Variants in PIP5K1A observed in about 807,000 individuals in gnomAD.
PIP5K1A encodes phosphatidylinositol 4-phosphate 5-kinase type-1 alpha.
In PIP5K1A, 46 loss-of-function variants were observed where a neutral mutation model predicts 72.9. That is an observed-to-expected ratio of 0.63 (90% confidence interval 0.50 to 0.81). PIP5K1A has a LOEUF of 0.81. PIP5K1A is among the 30% of genes least tolerant of loss of function. The pLI, the probability that PIP5K1A is intolerant of heterozygous loss-of-function variation, is 0.00. For missense variants in PIP5K1A, 458 were observed against 706.1 expected, an observed-to-expected ratio of 0.65 and a Z score of 3.98; for synonymous variants, 228 against 255.1, an observed-to-expected ratio of 0.89 and a Z score of 1.01.
intron 8 of PIP5K1A, among the ~76,000 whole-genome samples, chr1:151,235,576 G>A (rs978060665): frequency 1.3e-5 from 2 of 152,212 alleles, no homozygotes; most frequent in South Asian, 4.1e-4. Flanking sequence ...TGGAGATTCA[G>A]TAAATGTTTA....
intron 4 of PIP5K1A, among the ~76,000 whole-genome samples, chr1:151,230,852 T>C (rs115669841): frequency 3.3e-5 from 5 of 152,254 alleles, no homozygotes; most frequent in African/African-American, 1.2e-4. Flanking sequence ...CCCACCCTGT[T>C]GGCCTTGAGA....
intron 1 of PIP5K1A, among the ~76,000 whole-genome samples, chr1:151,215,502 G>T (rs974172954): frequency 6.6e-6 from 1 of 151,976 alleles, no homozygotes; most frequent in African/African-American, 2.4e-5. Context: ...GCTAATTTTT[G>T]TATTTTTAGT....
intron 1 of PIP5K1A, among the ~76,000 whole-genome samples, chr1:151,217,760 C>G (rs1558256663): frequency 6.6e-6 from 1 of 151,520 alleles, no homozygotes; most frequent in African/African-American, 2.4e-5. Flanking sequence ...TTTTCTTTCT[C>G]TTTTTCTTTT....
chr1:151,224,450 T>A, intron 3 of PIP5K1A, 44 bp downstream of exon 3: 1 of 1,322,690 alleles, frequency 7.6e-7, no homozygotes, highest in Non-Finnish European at 1.1e-6. Flanking sequence ...GTAGTTTATT[T>A]TAAATATTAA....
chr1:151,201,193 C>G (rs1160479262), intron 1 of PIP5K1A, among the ~76,000 whole-genome samples: 1 of 152,090 alleles, frequency 6.6e-6, no homozygotes, highest in Admixed American at 6.6e-5. Context: ...CCTCTAATCC[C>G]CAACCCAGAA....
chr1:151,214,182 A>G (rs1248175823), intron 1 of PIP5K1A, among the ~76,000 whole-genome samples: 1 of 152,176 alleles, frequency 6.6e-6, no homozygotes, highest in Non-Finnish European at 1.5e-5. Flanking sequence ...GTTCACTTAG[A>G]TTCTTTCCAA....
At chr1:151,200,955 G>A (rs962364705) in intron 1 of PIP5K1A, among the ~76,000 whole-genome samples, 2 of 151,804 alleles carry the variant, frequency 1.3e-5, no homozygotes, top group East Asian at 1.9e-4. Context: ...TCAGCCTCCC[G>A]AGTAGCTGGG....
chr1:151,211,628 C>G (rs1045564479), intron 1 of PIP5K1A, among the ~76,000 whole-genome samples: 2 of 150,880 alleles, frequency 1.3e-5, no homozygotes, highest in Non-Finnish European at 1.5e-5. Flanking sequence ...AACCCCGTCT[C>G]TACTAAAAAT....
chr1:151,239,269 CT>C (rs1305073189), intron 11 of PIP5K1A, 91 bp downstream of exon 11: 1 of 789,426 alleles, frequency 1.3e-6, no homozygotes, highest in Non-Finnish European at 2.0e-6. Flanking sequence ...TTTCTTTTTT[CT>C]TTTTTCTTTT....
Position 151,245,681 on chromosome 1 carries a change from G to A in PIP5K1A, c.1641-1239G>A, listed in dbSNP as rs148610611. On this transcript the variant is annotated intron_variant, in intron 14 of 15. Coordinates refer to ENST00000368888, the MANE Select transcript of PIP5K1A (RefSeq NM_001135638.2). Reference sequence around the variant, plus strand: ...CTCCCGAGGAGCTGGGATTACAAGCGTGCACCATCATGCCTGGCTAATTTT... The same window carrying A: ...CTCCCGAGGAGCTGGGATTACAAGCATGCACCATCATGCCTGGCTAATTTT... Among the ~76,000 whole-genome samples, 668 of 152,132 alleles carry A rather than the reference G, an allele frequency of 4.4e-3. 6 individuals carry two copies. The highest frequency in any genetic ancestry group is 0.015 in the African/African-American group (633 of 41,500).
chr1:151,200,407 G>C (rs1306496307), intron 1 of PIP5K1A, among the ~76,000 whole-genome samples: 1 of 127,014 alleles, frequency 7.9e-6, no homozygotes, highest in Non-Finnish European at 1.6e-5. Flanking sequence ...GAAAGTGTGT[G>C]TATGTGTGTC....
At chr1:151,209,810 G>A (rs1686531155) in intron 1 of PIP5K1A, among the ~76,000 whole-genome samples, 1 of 151,870 alleles carries the variant, frequency 6.6e-6, no homozygotes. Flanking sequence ...CTAACCTCGT[G>A]ATCTGCCCAC....
At chr1:151,241,849 T>A (rs191453603) in intron 12 of PIP5K1A, among the ~76,000 whole-genome samples, 3 of 151,722 alleles carry the variant, frequency 2.0e-5, no homozygotes, top group Non-Finnish European at 4.4e-5. Context: ...TTTCATCTGA[T>A]GGAAGTAAAG....
upstream of PIP5K1A, chr1:151,198,106 A>G: frequency 2.1e-6 from 1 of 470,982 alleles, no homozygotes; most frequent in Non-Finnish European, 4.4e-6. Context: ...TTCGAATGCC[A>G]TTCCGAGGAA....
At chr1:151,240,091 C>T in intron 12 of PIP5K1A, 52 bp downstream of exon 12, 1 of 1,316,364 alleles carries the variant, frequency 7.6e-7, no homozygotes, top group Non-Finnish European at 1.1e-6. Context: ...GGCTCCCTTA[C>T]CCCAAGAGAA....
chr1:151,211,826 G>A (rs1472676675), intron 1 of PIP5K1A, among the ~76,000 whole-genome samples: 2 of 139,130 alleles, frequency 1.4e-5, no homozygotes, highest in Admixed American at 7.4e-5. Flanking sequence ...AAAAAAGGCC[G>A]GGTGCGGTGG....
intron 4 of PIP5K1A, among the ~76,000 whole-genome samples, chr1:151,229,878 T>G (rs1318673737): frequency 6.6e-6 from 1 of 151,298 alleles, no homozygotes; most frequent in African/African-American, 2.4e-5. Context: ...GGTCAGGAGA[T>G]CGAGATCATC....
intron 12 of PIP5K1A, among the ~76,000 whole-genome samples, chr1:151,241,435 C>T (rs1022783472): frequency 1.3e-5 from 2 of 150,618 alleles, no homozygotes; most frequent in Non-Finnish European, 3.0e-5. Context: ...ACCCGGGAGG[C>T]GGAGCTTGCA....
intron 1 of PIP5K1A, among the ~76,000 whole-genome samples, chr1:151,211,241 C>T (rs922816227): frequency 6.6e-6 from 1 of 152,182 alleles, no homozygotes; most frequent in African/African-American, 2.4e-5. Context: ...AGTCCCAGCA[C>T]TTTGGGGGGC....
Sources: gnomAD v4.1 joint callset for allele counts (sites outside exome capture counted in the v4.1 genomes callset) on GRCh38, gnomAD v4.1.1 for gene constraint, MANE v1.5 for transcripts, NCBI Gene and HGNC (gene_info 2026-07-23, HGNC 2026-07-21) for gene names.